RELN: variants seen among roughly 807,000 people sequenced by gnomAD.
The protein encoded by RELN is reelin.
A neutral mutation model predicts 427.6 loss-of-function variants in RELN; 108 were observed. The ratio of observed to expected loss-of-function variants is 0.25; its 90% CI spans 0.22 to 0.30. RELN has a LOEUF of 0.30. Among genes scored for constraint, RELN ranks in the 10% least tolerant of loss-of-function variants. The probability of loss-of-function intolerance (pLI) is 1.00; values close to 1 mark genes in which losing one functional copy is unlikely to be tolerated. For missense variants in RELN, 3,715 were observed against 4,302.8 expected, an observed-to-expected ratio of 0.86 and a Z score of 3.82; for synonymous variants, 1,524 against 1,513.4, an observed-to-expected ratio of 1.01 and a Z score of -0.16.
rs553241466 is a variant in RELN at position 103,749,331 on chromosome 7, A to G, written c.656+95T>C. On this transcript the variant is annotated intron_variant, in intron 6 of 64. Transcript: ENST00000428762. The stretch of plus-strand genomic sequence containing the variant: ...TCTCACTGATAGCTTAGCACTAAAG[A>G]TCAACTTAATTTTAAGTAACTGCTC... 8.3e-6 allele frequency: 8 copies of G among 958,256 alleles called. No homozygotes were observed. The East Asian group carries it at 1.9e-4, about 23-fold the overall frequency. The allele number at this position is 958,256 out of a possible 1,614,324, so 59.4% of individuals were successfully genotyped here. A position where few individuals can be genotyped will look rare whatever the true frequency, so the allele number is the denominator to read the frequency against.
chr7:103,492,220 AAAT>A (rs1305455186), intron 57 of RELN, among the ~76,000 whole-genome samples, 194 bp from the exon 58 acceptor site: 1 of 152,208 alleles, frequency 6.6e-6, no homozygotes, highest in Non-Finnish European at 1.5e-5. Context: ...ATGGAGATAA[AAAT>A]AAAGGTTTTA....
chr7:103,727,463 A>T (rs1790240078), intron 7 of RELN, among the ~76,000 whole-genome samples: 1 of 152,144 alleles, frequency 6.6e-6, no homozygotes, highest in Non-Finnish European at 1.5e-5. Context: ...AACAACCAAA[A>T]AAAGGCTCAT....
At chr7:103,754,102 T>C (rs7787407) in intron 4 of RELN, among the ~76,000 whole-genome samples, 7,579 of 152,170 alleles carry the variant, frequency 0.05, 655 homozygotes, top group African/African-American at 0.17. Flanking sequence ...TTTTATGAAC[T>C]CTTAATACAG....
chr7:103,871,603 G>A (rs1451417391), intron 2 of RELN, among the ~76,000 whole-genome samples: 2 of 152,094 alleles, frequency 1.3e-5, no homozygotes, highest in Non-Finnish European at 2.9e-5. Context: ...ACCATGGAGG[G>A]CAGGAGTGGA....
chr7:103,553,826 T>C lies in RELN; in HGVS notation c.5803A>G (p.Lys1935Glu). Residue 1935 changes from lysine (K) to glutamate (E), a missense_variant, in exon 39 of 65, where the codon AAA becomes GAA. By Grantham distance (56) the Lys-to-Glu change is moderately conservative. Transcript: ENST00000428762. Reference sequence around the variant, plus strand: ...TCATCAACAATCCAGATTTCTTCTTTCTTACCTAAGGCATTTTTGGATAAA... The same window carrying C: ...TCATCAACAATCCAGATTTCTTCTTCCTTACCTAAGGCATTTTTGGATAAA... ...RLWQPYNNGKKEEIWIVDDFI... is the reference protein window; with the variant it reads ...RLWQPYNNGKEEEIWIVDDFI... 6.2e-7 allele frequency: 1 copy of C among 1,613,962 alleles called. No homozygotes were observed. Among genetic ancestry groups the C allele is most frequent in the Non-Finnish European group, 8.5e-7 (1 of 1,179,876 alleles).
intron 1 of RELN, among the ~76,000 whole-genome samples, chr7:103,984,941 T>C (rs1198777585): frequency 6.6e-6 from 1 of 152,222 alleles, no homozygotes; most frequent in Admixed American, 6.5e-5. Flanking sequence ...TATCATCTGG[T>C]ATTTGAAAGG....
At chr7:103,650,225 G>A (rs1584376646) in intron 16 of RELN, 49 bp downstream of exon 16, 2 of 1,113,124 alleles carry the variant, frequency 1.8e-6, no homozygotes, top group East Asian at 4.7e-5. Context: ...AAAAGCACAG[G>A]AAGACTCTAC....
At chr7:103,833,964 A>G (rs1421638011) in intron 2 of RELN, among the ~76,000 whole-genome samples, 1 of 152,216 alleles carries the variant, frequency 6.6e-6, no homozygotes, top group African/African-American at 2.4e-5. Context: ...ACCAACCTGC[A>G]GTTGAACAAG....
chr7:103,854,217 G>T (rs1299785470), intron 2 of RELN, among the ~76,000 whole-genome samples: 1 of 152,150 alleles, frequency 6.6e-6, no homozygotes, highest in Non-Finnish European at 1.5e-5. Context: ...CCTTGCTGAA[G>T]CACATATTTT....
intron 22 of RELN, among the ~76,000 whole-genome samples, chr7:103,610,400 A>G (rs1342991922): frequency 6.6e-6 from 1 of 152,124 alleles, no homozygotes; most frequent in Non-Finnish European, 1.5e-5. Flanking sequence ...AAAGTAACCG[A>G]CTCATTGAGT....
At chr7:103,707,474 T>C (rs1834229111) in intron 8 of RELN, among the ~76,000 whole-genome samples, 1 of 152,056 alleles carries the variant, frequency 6.6e-6, no homozygotes, top group African/African-American at 2.4e-5. Flanking sequence ...ACACATTCCA[T>C]GATGGCTTGC....
chr7:103,530,184 G>C (rs965284439), intron 46 of RELN, among the ~76,000 whole-genome samples: 2 of 152,088 alleles, frequency 1.3e-5, no homozygotes, highest in African/African-American at 4.8e-5. Context: ...TGTACCTCCA[G>C]CCATCACATG....
intron 2 of RELN, among the ~76,000 whole-genome samples, chr7:103,842,862 G>A (rs957481274): frequency 6.6e-6 from 1 of 152,100 alleles, no homozygotes; most frequent in Non-Finnish European, 1.5e-5. Context: ...CTTACTCAGT[G>A]CACTTAAAAG....
chr7:103,756,206 CTGGACACA>C (rs1479291911), intron 4 of RELN, among the ~76,000 whole-genome samples: 2 of 152,270 alleles, frequency 1.3e-5, no homozygotes, highest in Non-Finnish European at 2.9e-5. Flanking sequence ...GCTAAATTAT[CTGGACACA>C]TGGAAGCTTT....
chr7:103,570,850 G>T (rs1027860266), intron 31 of RELN, among the ~76,000 whole-genome samples: 3 of 151,896 alleles, frequency 2.0e-5, no homozygotes, highest in Admixed American at 6.5e-5. Context: ...ATTATTAGAG[G>T]TTTATTATTA....
At chr7:103,947,064 A>T (rs1306514256) in intron 1 of RELN, among the ~76,000 whole-genome samples, 1 of 152,194 alleles carries the variant, frequency 6.6e-6, no homozygotes, top group African/African-American at 2.4e-5. Context: ...ACCCATTCCG[A>T]GTCCTCTCAG....
At chr7:103,951,848 T>C (rs950697925) in intron 1 of RELN, among the ~76,000 whole-genome samples, 2 of 152,186 alleles carry the variant, frequency 1.3e-5, no homozygotes, top group African/African-American at 4.8e-5. Flanking sequence ...AATTTTTGTA[T>C]TTTTAGTAGA....
rs139169646 is a variant in RELN, at chr7:103,752,768, G to C, written c.577+414C>G. ...ATAATTTCTTTTTCTTAACAATTCA[G>C]TACTAATTTGAGCATAAATCCCAAA... On this transcript the variant is annotated intron_variant, in intron 5 of 64. Coordinates refer to ENST00000428762, the MANE Select transcript of RELN (RefSeq NM_005045.4). 4.4e-4 allele frequency among the ~76,000 whole-genome samples: 67 copies of C among 152,178 alleles called. 2 individuals carry two copies. Among genetic ancestry groups the C allele is most frequent in the African/African-American group, 1.6e-3 (66 of 41,526 alleles).
intron 8 of RELN, among the ~76,000 whole-genome samples, chr7:103,703,183 C>T (rs914624007): frequency 3.9e-5 from 6 of 152,082 alleles, no homozygotes; most frequent in Admixed American, 3.9e-4. Flanking sequence ...CCCAAGAGAG[C>T]GCTCAGCTTT....
Sources: gnomAD v4.1 joint callset for allele counts (sites outside exome capture counted in the v4.1 genomes callset) on GRCh38, gnomAD v4.1.1 for gene constraint, MANE v1.5 for transcripts, NCBI Gene and HGNC (gene_info 2026-07-23, HGNC 2026-07-21) for gene names.